RETREG1: variants seen among roughly 807,000 people sequenced by gnomAD.
RETREG1 encodes family with sequence similarity 134 member B.
A neutral mutation model predicts 54.8 loss-of-function variants in RETREG1; 44 were observed. The observed-to-expected ratio is 0.80, with a 90% CI of 0.63 to 1.03. RETREG1 has a LOEUF of 1.03. RETREG1 is among the 50% of genes least tolerant of loss of function. The probability of loss-of-function intolerance (pLI) is 0.00; values close to 1 mark genes in which losing one functional copy is unlikely to be tolerated. For synonymous variants in RETREG1, 217 were observed against 238.5 expected (o/e 0.91, Z 0.83); for missense variants, 554 against 605.1 (o/e 0.92, Z 0.89).
intron 1 of RETREG1, 161 bp downstream of exon 1, chr5:16,616,491 G>C: frequency 7.9e-7 from 1 of 1,267,282 alleles, no homozygotes. Flanking sequence ...GTTGCGGTGA[G>C]TGTCTACCTG....
At chr5:16,569,294 T>C (rs965002993) in intron 2 of RETREG1, among the ~76,000 whole-genome samples, 45 of 151,516 alleles carry the variant, frequency 3.0e-4, no homozygotes, top group Admixed American at 1.8e-3. Context: ...TTTCTTTTTT[T>C]TTTTTTTTTT....
rs1158518414 is a variant in RETREG1 at position 16,473,305 on chromosome 5, C to G, written c.*1436G>C. The G allele has an allele frequency of 2.6e-5, 4 of 152,510 alleles. 1 individual carries two copies. Among genetic ancestry groups the G allele is most frequent in the Non-Finnish European group, 4.4e-5 (3 of 67,986 alleles). 9.4% of individuals were successfully genotyped at this position (152,510 alleles called of 1,614,324 possible). ...GTTCAAAGTCTTCAGTAACTCTTCT[C>G]CCTTTAACATTTGGCAAAACTCAGT... is the stretch of plus-strand genomic sequence containing the variant. On this transcript the variant is annotated 3_prime_UTR_variant, in exon 9 of 9. Transcript: ENST00000306320.
intron 1 of RETREG1, among the ~76,000 whole-genome samples, chr5:16,578,457 G>T (rs536883589): frequency 6.6e-6 from 1 of 152,076 alleles, no homozygotes; most frequent in Admixed American, 6.5e-5. Context: ...GTTTCTAACC[G>T]ATCTTTACAT....
intron 2 of RETREG1, among the ~76,000 whole-genome samples, chr5:16,569,446 G>T (rs1050856191): frequency 3.3e-5 from 5 of 152,176 alleles, no homozygotes; most frequent in Non-Finnish European, 7.3e-5. Flanking sequence ...CCCACAGGGA[G>T]CCCAGCACCC....
intron 1 of RETREG1, among the ~76,000 whole-genome samples, chr5:16,614,025 A>T (rs1359538955): frequency 6.6e-6 from 1 of 152,256 alleles, no homozygotes; most frequent in African/African-American, 2.4e-5. Context: ...CATTTTTGTC[A>T]AAGAAAATAC....
chr5:16,516,203 A>C (rs994836841), intron 3 of RETREG1, among the ~76,000 whole-genome samples: 1 of 152,228 alleles, frequency 6.6e-6, no homozygotes, highest in Non-Finnish European at 1.5e-5. Flanking sequence ...AAAAGAATAC[A>C]GCATCTTTTT....
intron 3 of RETREG1, among the ~76,000 whole-genome samples, chr5:16,491,297 G>T (rs573304561): frequency 6.6e-6 from 1 of 152,272 alleles, no homozygotes; most frequent in South Asian, 2.1e-4. Flanking sequence ...ATCTGGTAAC[G>T]TTCTTTCAGG....
intron 1 of RETREG1, 89 bp from the exon 2 acceptor site, chr5:16,572,191 A>T: frequency 1.1e-6 from 1 of 889,634 alleles, no homozygotes; most frequent in Admixed American, 1.9e-5. Context: ...AGAAACAAAA[A>T]AGGTATTCAA....
At chr5:16,611,051 A>G (rs1743328105) in intron 1 of RETREG1, among the ~76,000 whole-genome samples, 2 of 152,250 alleles carry the variant, frequency 1.3e-5, no homozygotes, top group South Asian at 4.1e-4. Flanking sequence ...TGTGGCACAT[A>G]TTCACCATGG....
At chr5:16,577,311 A>C (rs1579701739) in intron 1 of RETREG1, among the ~76,000 whole-genome samples, 1 of 150,692 alleles carries the variant, frequency 6.6e-6, no homozygotes, top group African/African-American at 2.4e-5. Flanking sequence ...TTTCCCTCTA[A>C]AACCCAAAGA....
At chr5:16,526,811 G>T (rs1049893135) in intron 3 of RETREG1, among the ~76,000 whole-genome samples, 2 of 152,172 alleles carry the variant, frequency 1.3e-5, no homozygotes, top group Non-Finnish European at 2.9e-5. Flanking sequence ...GATGCACACC[G>T]CCAGGTCCCC....
At chr5:16,596,674 C>G (rs1742900396) in intron 1 of RETREG1, among the ~76,000 whole-genome samples, 1 of 152,134 alleles carries the variant, frequency 6.6e-6, no homozygotes, top group Non-Finnish European at 1.5e-5. Context: ...TGGCCTGACA[C>G]GCACCCTCCA....
At chr5:16,574,949 T>A (rs1561126111) in intron 1 of RETREG1, among the ~76,000 whole-genome samples, 3 of 152,168 alleles carry the variant, frequency 2.0e-5, no homozygotes, top group Non-Finnish European at 4.4e-5. Flanking sequence ...CTTGCTCTAT[T>A]TTTGTAGCTC....
rs765211417 is a variant in RETREG1, at chr5:16,478,112, A to C, written c.809-14T>G. The C allele has an allele frequency of 6.2e-7, 1 of 1,600,780 alleles. No individual in the cohort carries two copies. Among genetic ancestry groups the C allele is most frequent in the Non-Finnish European group, 8.6e-7 (1 of 1,169,054 alleles). ...CTTTGTCTGCTTCTGTTGAGGAAAA[A>C]ATTTGGAAGCTTTCAGTTTCCTAGC... On this transcript the variant is annotated splice_polypyrimidine_tract_variant and intron_variant, in intron 6 of 8. Transcript: ENST00000306320.
chr5:16,537,308 C>T (rs1741101563), intron 3 of RETREG1, among the ~76,000 whole-genome samples: 1 of 152,194 alleles, frequency 6.6e-6, no homozygotes, highest in African/African-American at 2.4e-5. Flanking sequence ...GTTGAAACCG[C>T]AGGCGTGAGG....
At chr5:16,533,408 T>C (rs955331700) in intron 3 of RETREG1, among the ~76,000 whole-genome samples, 1 of 152,214 alleles carries the variant, frequency 6.6e-6, no homozygotes, top group Non-Finnish European at 1.5e-5. Flanking sequence ...AAGAGCCTAA[T>C]GACCACCCCC....
intron 2 of RETREG1, among the ~76,000 whole-genome samples, chr5:16,568,988 A>G (rs1742098476): frequency 6.6e-6 from 1 of 152,196 alleles, no homozygotes; most frequent in Non-Finnish European, 1.5e-5. Flanking sequence ...TGTCGTTGCT[A>G]TAAGCCGGGG....
intron 3 of RETREG1, among the ~76,000 whole-genome samples, chr5:16,534,141 T>C (rs969551920): frequency 6.6e-5 from 10 of 151,400 alleles, no homozygotes; most frequent in African/African-American, 2.4e-4. Context: ...TTTACAATAA[T>C]GAACATTTCA....
rs1385105453 is a variant in RETREG1 at position 16,474,873 on chromosome 5, G to A, written c.1362C>T (p.Asp454=). Residue 454 remains aspartate (D), a synonymous_variant, in exon 9 of 9, where the codon GAC becomes GAT. Coordinates refer to ENST00000306320, the MANE Select transcript of RETREG1 (RefSeq NM_001034850.3). The part of the protein sequence containing the change: ...EEDTDTEEGD[D]FELLDQSELD... ...GCTCTGACTGGTCAAGTAGTTCAAA[G>A]TCATCACCTTCTTCAGTGTCTGTGT... is the stretch of plus-strand genomic sequence containing the variant. 5.6e-6 allele frequency: 9 copies of A among 1,613,894 alleles called. No homozygotes were observed. The highest frequency in any genetic ancestry group is 6.8e-6 in the Non-Finnish European group (8 of 1,179,938).
Sources: allele counts gnomAD v4.1 joint callset (sites outside exome capture counted in the v4.1 genomes callset), GRCh38; gene constraint gnomAD v4.1.1; transcripts MANE v1.5; gene names NCBI Gene and HGNC (gene_info 2026-07-23, HGNC 2026-07-21).